Variants in RARB observed in about 807,000 individuals in gnomAD.
RARB encodes retinoic acid receptor beta.
In RARB, 17 loss-of-function variants were observed where a neutral mutation model predicts 51.9. The observed-to-expected ratio is 0.33, with a 90% CI of 0.22 to 0.49. RARB has a LOEUF of 0.49. Ranked by LOEUF, RARB falls within the 20% of genes least tolerant of loss-of-function variation. The probability of loss-of-function intolerance (pLI) is 0.99; values close to 1 mark genes in which losing one functional copy is unlikely to be tolerated. For missense variants in RARB, 369 were observed against 550.8 expected, an observed-to-expected ratio of 0.67 and a Z score of 3.30; for synonymous variants, 215 against 195.4, an observed-to-expected ratio of 1.10 and a Z score of -0.84.
chr3:25,246,961 G>C (rs1702577461), intron 5 of RARB, among the ~76,000 whole-genome samples: 1 of 152,194 alleles, frequency 6.6e-6, no homozygotes, highest in African/African-American at 2.4e-5. Context: ...AGGGAGAGGG[G>C]AGTTTCATCT....
chr3:24,866,271 T>C (rs986772620), intron 2 of RARB, among the ~76,000 whole-genome samples: 5 of 152,054 alleles, frequency 3.3e-5, no homozygotes, highest in Admixed American at 3.3e-4. Flanking sequence ...CTTTTGCACA[T>C]ACCATTTCTC....
intron 3 of RARB, among the ~76,000 whole-genome samples, chr3:25,110,271 A>G (rs1265382238): frequency 3.3e-5 from 5 of 152,208 alleles, no homozygotes; most frequent in South Asian, 2.1e-4. Flanking sequence ...GCTGTTTCCA[A>G]TAATAATGTA....
In RARB at chr3:25,470,036, G is replaced by A. The variant is rs919824299; in HGVS notation, c.306+8695G>A. Among the ~76,000 whole-genome samples, 7 of 152,176 alleles carry A rather than the reference G, an allele frequency of 4.6e-5. 1 individual carries two copies. The highest frequency in any genetic ancestry group is 3.9e-4 in the Admixed American group (6 of 15,280). Reference sequence around the variant, plus strand: ...GTTCCGGAGGCCGTGTTGAGTCACGGTCCACCTGAAGCACAGCGTGCCATC... The same window carrying A: ...GTTCCGGAGGCCGTGTTGAGTCACGATCCACCTGAAGCACAGCGTGCCATC... On this transcript the variant is annotated intron_variant, in intron 2 of 7. Coordinates refer to ENST00000330688, the MANE Select transcript of RARB (RefSeq NM_000965.5).
At chr3:25,455,525 A>G (rs762731046) in intron 1 of RARB, among the ~76,000 whole-genome samples, 1 of 152,170 alleles carries the variant, frequency 6.6e-6, no homozygotes, top group African/African-American at 2.4e-5. Context: ...AGTGATAGTT[A>G]TCTGTATGTT....
intron 5 of RARB, among the ~76,000 whole-genome samples, chr3:25,259,790 T>C (rs1374525695): frequency 1.3e-5 from 2 of 152,190 alleles, no homozygotes; most frequent in Non-Finnish European, 2.9e-5. Flanking sequence ...TTTTATTTTA[T>C]GCATGACCCA....
intron 5 of RARB, among the ~76,000 whole-genome samples, chr3:25,224,241 AAGAT>A (rs1233732829): frequency 6.6e-6 from 1 of 152,216 alleles, no homozygotes; most frequent in Admixed American, 6.5e-5. Context: ...CTGAAAACAA[AAGAT>A]AGATCTCTTA....
At chr3:25,542,818 A>G (rs1699440812) in intron 3 of RARB, among the ~76,000 whole-genome samples, 1 of 152,210 alleles carries the variant, frequency 6.6e-6, no homozygotes, top group Non-Finnish European at 1.5e-5. Flanking sequence ...CCAAGTCCTT[A>G]CATCCATTTT....
intron 2 of RARB, among the ~76,000 whole-genome samples, chr3:25,058,123 A>C (rs369291034): frequency 1.3e-5 from 2 of 151,930 alleles, no homozygotes; most frequent in African/African-American, 4.8e-5. Context: ...CCATTTGGTT[A>C]ATTATGTTTG....
At position 25,317,238 on chromosome 3, in the gene RARB, C is replaced by T. The variant is rs1373379579; in HGVS notation, c.178+142663C>T. Among the ~76,000 whole-genome samples the T allele has an allele frequency of 2.6e-5, 4 of 151,714 alleles. No individual in the cohort carries two copies. In the East Asian group the frequency reaches 7.7e-4, roughly 29 times the overall value. ...GAAGGCATTAAATAAGTAGGATAGT[C>T]ACTAAATGGATCATTGGCTGATGAC... On this transcript the variant is annotated intron_variant, in intron 5 of 11. Coordinates refer to the RARB transcript ENST00000383772.
At chr3:25,110,633 C>T (rs1699585944) in intron 3 of RARB, among the ~76,000 whole-genome samples, 1 of 152,138 alleles carries the variant, frequency 6.6e-6, no homozygotes, top group Admixed American at 6.5e-5. Flanking sequence ...TACAGCTAGC[C>T]TCCGAAGGCT....
At chr3:25,199,335 G>C (rs1357488597) in intron 5 of RARB, among the ~76,000 whole-genome samples, 2 of 151,988 alleles carry the variant, frequency 1.3e-5, no homozygotes, top group Non-Finnish European at 2.9e-5. Context: ...GGGAAGTGGG[G>C]ATGGTTATTG....
At chr3:25,456,175 T>C (rs1264108862) in intron 1 of RARB, among the ~76,000 whole-genome samples, 1 of 152,224 alleles carries the variant, frequency 6.6e-6, no homozygotes, top group Non-Finnish European at 1.5e-5. Context: ...TCAAGGGCAT[T>C]TGATGAATCT....
rs79970397 is a variant in RARB, at chr3:25,175,494, C to T, written c.178+919C>T. On this transcript the variant is annotated intron_variant, in intron 5 of 11. Coordinates refer to the RARB transcript ENST00000383772. ...TAGCATGGTATCATTGGGATACCAC[C>T]TTAATCTTTCTATATTGTGCTCTTC... 4.0e-3 allele frequency among the ~76,000 whole-genome samples: 607 copies of T among 152,292 alleles called. 1 individual carries two copies. The highest frequency in any genetic ancestry group is 6.8e-3 in the Non-Finnish European group (461 of 68,038).
intron 3 of RARB, among the ~76,000 whole-genome samples, chr3:25,116,695 G>C (rs371325569): frequency 1.3e-3 from 205 of 152,024 alleles, no homozygotes; most frequent in African/African-American, 4.8e-3. Flanking sequence ...TGGTATCTTT[G>C]AATTACCTGG....
At chr3:25,174,098 T>C (rs187906432) in intron 4 of RARB, 1 of 182,418 alleles carries the variant, frequency 5.5e-6, no homozygotes, top group East Asian at 1.2e-4. Flanking sequence ...ATATATATAT[T>C]TTTTTCATTT....
intron 5 of RARB, among the ~76,000 whole-genome samples, chr3:25,367,569 AC>A (rs1406739138): frequency 6.6e-6 from 1 of 151,660 alleles, no homozygotes; most frequent in Non-Finnish European, 1.5e-5. Flanking sequence ...TAACCTCATT[AC>A]TTTGGGAGGC....
At chr3:25,266,391 C>G (rs139136510) in intron 5 of RARB, among the ~76,000 whole-genome samples, 1 of 152,222 alleles carries the variant, frequency 6.6e-6, no homozygotes, top group Non-Finnish European at 1.5e-5. Context: ...GAATTATTCA[C>G]ACCTTTTCCC....
At chr3:25,167,629 A>G (rs182135210) in intron 4 of RARB, among the ~76,000 whole-genome samples, 87 of 152,280 alleles carry the variant, frequency 5.7e-4, no homozygotes, top group Non-Finnish European at 6.6e-4. Flanking sequence ...CTCCTCTACC[A>G]ATTTTATCTT....
At chr3:25,246,834 C>G (rs948139554) in intron 5 of RARB, among the ~76,000 whole-genome samples, 3 of 152,186 alleles carry the variant, frequency 2.0e-5, no homozygotes, top group Non-Finnish European at 2.9e-5. Context: ...TGTCCCTTAG[C>G]AGAGCTCAAG....
Sources: gnomAD v4.1 joint callset for allele counts (sites outside exome capture counted in the v4.1 genomes callset) on GRCh38, gnomAD v4.1.1 for gene constraint, MANE v1.5 for transcripts, NCBI Gene and HGNC (gene_info 2026-07-23, HGNC 2026-07-21) for gene names.